FILIP1: variants seen among roughly 807,000 people sequenced by gnomAD.
FILIP1 encodes filamin A interacting protein 1, also known as filamin-A-interacting protein 1.
In FILIP1, 61 loss-of-function variants were observed where a neutral mutation model predicts 102.1. The observed-to-expected ratio is 0.60, with a 90% CI of 0.49 to 0.74. The LOEUF (loss-of-function observed/expected upper bound fraction) is 0.74. Among genes scored for constraint, FILIP1 ranks in the 30% least tolerant of loss-of-function variants. The pLI is 0.00. For missense variants in FILIP1, 1,314 were observed against 1,441.2 expected, an observed-to-expected ratio of 0.91 and a Z score of 1.43; for synonymous variants, 491 against 526.9, an observed-to-expected ratio of 0.93 and a Z score of 0.93.
exon 7 of FILIP1, chr6:75,293,727 A>G (rs1324523564): frequency 6.6e-6 from 1 of 152,238 alleles, no homozygotes; most frequent in East Asian, 1.9e-4. Context: ...CACTATTAGT[A>G]TAATAAAATT....
intron 2 of FILIP1, among the ~76,000 whole-genome samples, chr6:75,412,519 CT>C (rs1431388066): frequency 2.6e-5 from 4 of 152,062 alleles, no homozygotes; most frequent in African/African-American, 9.7e-5. Flanking sequence ...ATGCTTCCAG[CT>C]TTTGCCCATT....
chr6:75,326,096 T>A (rs963000604), intron 4 of FILIP1, among the ~76,000 whole-genome samples: 2 of 24,224 alleles, frequency 8.3e-5, no homozygotes, highest in African/African-American at 3.5e-4. Flanking sequence ...ATAGATAGAT[T>A]AGATAGATAG....
intron 1 of FILIP1, among the ~76,000 whole-genome samples, chr6:75,431,093 GTT>G (rs1266015360): frequency 2.6e-5 from 4 of 152,180 alleles, no homozygotes; most frequent in African/African-American, 9.7e-5. Flanking sequence ...ATACGGCACT[GTT>G]ATCCATTCAC....
chr6:75,372,367 CAA>C (rs1224463218), intron 2 of FILIP1, among the ~76,000 whole-genome samples: 10 of 48,942 alleles, frequency 2.0e-4, no homozygotes, highest in Middle Eastern at 0.013. Context: ...AACTCTGTCT[CAA>C]AAAAAAAAAA....
intron 1 of FILIP1, among the ~76,000 whole-genome samples, chr6:75,447,308 A>G: frequency 6.6e-6 from 1 of 152,150 alleles, no homozygotes; most frequent in East Asian, 1.9e-4. Flanking sequence ...GTATATATTT[A>G]TCTTCTTCCT....
chr6:75,434,987 T>C (rs1341032431), intron 1 of FILIP1, among the ~76,000 whole-genome samples: 1 of 152,238 alleles, frequency 6.6e-6, no homozygotes, highest in African/African-American at 2.4e-5. Context: ...ATGGATTACA[T>C]TTATTGATCT....
chr6:75,489,321 T>G (rs1213442424), intron 1 of FILIP1, among the ~76,000 whole-genome samples: 1 of 152,062 alleles, frequency 6.6e-6, no homozygotes, highest in Admixed American at 6.6e-5. Flanking sequence ...CTGTTCAAAT[T>G]GTGTCTGCTT....
intron 4 of FILIP1, among the ~76,000 whole-genome samples, chr6:75,353,181 T>C (rs1324658423): frequency 1.3e-5 from 2 of 151,732 alleles, no homozygotes; most frequent in Non-Finnish European, 2.9e-5. Flanking sequence ...GTTGTGCACA[T>C]GTACCCTAGA....
At position 75,356,157 on chromosome 6, in the gene FILIP1, C is replaced by T. The variant is rs148244852; in HGVS notation, c.451-2440G>A. ...TCACAACCAACTTTCTGAAACCCCACGGGGTAACTCCACAGGGTCTCAGCA... is the reference window on the plus strand; with the variant it reads ...TCACAACCAACTTTCTGAAACCCCATGGGGTAACTCCACAGGGTCTCAGCA... On this transcript the variant is annotated intron_variant, in intron 3 of 5. Transcript: ENST00000237172. 3.7e-3 allele frequency among the ~76,000 whole-genome samples: 562 copies of T among 152,320 alleles called. 1 individual carries two copies. The highest frequency in any genetic ancestry group is 0.013 in the African/African-American group (538 of 41,572).
rs143421862 is a variant in FILIP1 at position 75,485,388 on chromosome 6, C to T, written c.-7+8026G>A. Among the ~76,000 whole-genome samples, 665 of 152,148 alleles carry T rather than the reference C, an allele frequency of 4.4e-3. 5 individuals carry two copies. The highest frequency in any genetic ancestry group is 0.026 in the South Asian group (124 of 4,806). On this transcript the variant is annotated intron_variant, in intron 1 of 5. Transcript: ENST00000237172. ...TTTGGGGATGGGGAGTTGGGGTGTG[C>T]TAGTATAGTTGTGACAAGTTACTGT...
exon 7 of FILIP1, chr6:75,295,852 C>G: frequency 8.6e-7 from 1 of 1,165,534 alleles, no homozygotes; most frequent in African/African-American, 1.6e-5. Context: ...TGAGGGCTGT[C>G]CATTCAATAG....
intron 2 of FILIP1, among the ~76,000 whole-genome samples, chr6:75,377,565 G>T (rs1775786985): frequency 6.6e-6 from 1 of 152,198 alleles, no homozygotes; most frequent in Non-Finnish European, 1.5e-5. Flanking sequence ...TCACCACTTT[G>T]TAATTACAAT....
chr6:75,490,637 TTGTGTGTG>T (rs59493141), intron 1 of FILIP1, among the ~76,000 whole-genome samples: 2 of 147,906 alleles, frequency 1.4e-5, no homozygotes, highest in East Asian at 2.0e-4. Context: ...TACACAGGAT[TTGTGTGTG>T]TGTGTGTGTG....
At chr6:75,378,527 T>A (rs1420031872) in intron 2 of FILIP1, among the ~76,000 whole-genome samples, 1 of 152,164 alleles carries the variant, frequency 6.6e-6, no homozygotes, top group Non-Finnish European at 1.5e-5. Context: ...TACAAATAAA[T>A]GTTAGCATCC....
chr6:75,340,704 G>GT lies in FILIP1; in HGVS notation c.629+12834dup, dbSNP rs201965376. Reference sequence around the variant, plus strand: ...TTTTTGCTTATGGGTTTTCGTTTTTGTTTTTTTTTGAGGTGGAGTCTCACT... The same window carrying GT: ...TTTTTGCTTATGGGTTTTCGTTTTTGTTTTTTTTTTGAGGTGGAGTCTCACT... On this transcript the variant is annotated intron_variant, in intron 4 of 5. Coordinates refer to ENST00000237172, the MANE Select transcript of FILIP1 (RefSeq NM_015687.5). 3.2e-3 allele frequency among the ~76,000 whole-genome samples: 479 copies of GT among 149,670 alleles called. 2 individuals carry two copies. The highest frequency in any genetic ancestry group is 9.3e-3 in the African/African-American group (380 of 40,732).
intron 4 of FILIP1, chr6:75,319,000 A>G (rs1582334544): frequency 1.5e-6 from 1 of 646,956 alleles, no homozygotes; most frequent in South Asian, 1.7e-5. Context: ...TGCTTTATAG[A>G]CATGAAAAAA....
At chr6:75,488,813 T>A (rs1003051576) in intron 1 of FILIP1, among the ~76,000 whole-genome samples, 1 of 152,124 alleles carries the variant, frequency 6.6e-6, no homozygotes, top group Non-Finnish European at 1.5e-5. Context: ...ATACAGAATA[T>A]TAAGCAGAAT....
chr6:75,366,038 A>T (rs1035416554), intron 2 of FILIP1: 1 of 152,236 alleles, frequency 6.6e-6, no homozygotes, highest in Admixed American at 6.5e-5. Context: ...TTCTTTCAGA[A>T]TTATTTCAAA....
At position 75,314,526 on chromosome 6, in the gene FILIP1, C is replaced by G. The variant is rs144226005; in HGVS notation, c.1306G>C (p.Glu436Gln). ...TTGCTAAATGCTTCTTCCAATTTCT[C>G]TAGTTCAGACATTCTCTTCTGTAGC... ...EKLQKRMSEL[E>Q]KLEEAFSKSK... Residue 436 changes from glutamate (E) to glutamine (Q), a missense_variant, in exon 5 of 6, where the codon GAG becomes CAG. Coordinates refer to ENST00000237172, the MANE Select transcript of FILIP1 (RefSeq NM_015687.5). 18 of 1,613,490 alleles carry G rather than the reference C, an allele frequency of 1.1e-5. No individual in the cohort carries two copies. The African/African-American group carries it at 1.9e-4, about 17-fold the overall frequency.
Sources: allele counts gnomAD v4.1 joint callset (sites outside exome capture counted in the v4.1 genomes callset), GRCh38; gene constraint gnomAD v4.1.1; transcripts MANE v1.5; gene names NCBI Gene and HGNC (gene_info 2026-07-23, HGNC 2026-07-21).